SLC37A3: variants seen among roughly 807,000 people sequenced by gnomAD.
SLC37A3 encodes sugar phosphate exchanger 3.
Under a neutral mutation model 67.1 loss-of-function variants are expected in SLC37A3, and 51 were observed. The ratio of observed to expected loss-of-function variants is 0.76; its 90% CI spans 0.61 to 0.96. The LOEUF is 0.96. Among genes scored for constraint, SLC37A3 ranks in the 40% least tolerant of loss-of-function variants. SLC37A3 has a pLI of 0.00. For synonymous variants in SLC37A3, 214 were observed against 231.4 expected (o/e 0.92, Z 0.68); for missense variants, 508 against 603.0 (o/e 0.84, Z 1.65).
intron 11 of SLC37A3, among the ~76,000 whole-genome samples, chr7:140,345,555 C>A (rs1488754255): frequency 6.6e-6 from 1 of 152,182 alleles, no homozygotes; most frequent in East Asian, 1.9e-4. Flanking sequence ...CTTTTGAAAC[C>A]TGTTCCCTTT....
intron 2 of SLC37A3, 31 bp from the exon 3 acceptor site, chr7:140,380,421 A>C: frequency 6.9e-7 from 1 of 1,442,174 alleles, no homozygotes; most frequent in Non-Finnish European, 9.7e-7. Flanking sequence ...AGATGAATGA[A>C]TAGCAAAGAG....
chr7:140,347,247 C>CA (rs554765652), intron 10 of SLC37A3, among the ~76,000 whole-genome samples: 5,129 of 70,868 alleles, frequency 0.072, 196 homozygotes, highest in African/African-American at 0.17. Flanking sequence ...CCCCCATCTC[C>CA]AAAAAAAAAA....
intron 4 of SLC37A3, among the ~76,000 whole-genome samples, chr7:140,366,766 T>G (rs1171330289): frequency 6.6e-6 from 1 of 151,876 alleles, no homozygotes; most frequent in Non-Finnish European, 1.5e-5. Context: ...GGTGAGGAGG[T>G]AGACTAAATG....
At chr7:140,362,760 G>A (rs1300240824) in intron 5 of SLC37A3, among the ~76,000 whole-genome samples, 1 of 89,904 alleles carries the variant, frequency 1.1e-5, no homozygotes, top group Non-Finnish European at 2.4e-5. Flanking sequence ...CAGCCGCCCC[G>A]TCCGGGAGGG....
At chr7:140,370,139 G>T (rs1332651966) in intron 3 of SLC37A3, among the ~76,000 whole-genome samples, 4 of 113,844 alleles carry the variant, frequency 3.5e-5, no homozygotes, top group Non-Finnish European at 5.3e-5. Flanking sequence ...AGAAAAGAAA[G>T]AAATAACTAG....
chr7:140,351,606 AG>A (rs1399235280), intron 8 of SLC37A3, 155 bp from the exon 9 acceptor site: 5 of 656,322 alleles, frequency 7.6e-6, no homozygotes, highest in Non-Finnish European at 1.3e-5. Context: ...GGTCAATTAA[AG>A]TCACACAGTC....
intron 4 of SLC37A3, among the ~76,000 whole-genome samples, chr7:140,365,542 G>A (rs1797564223): frequency 6.6e-6 from 1 of 152,144 alleles, no homozygotes; most frequent in African/African-American, 2.4e-5. Flanking sequence ...CCAACATGGT[G>A]AAACCCTGTC....
intron 1 of SLC37A3, among the ~76,000 whole-genome samples, chr7:140,393,842 C>A (rs1798813625): frequency 6.6e-6 from 1 of 152,142 alleles, no homozygotes; most frequent in African/African-American, 2.4e-5. Flanking sequence ...ACAGCCACAT[C>A]CACAGGACCC....
At chr7:140,393,337 C>A (rs1798794859) in intron 1 of SLC37A3, among the ~76,000 whole-genome samples, 1 of 152,278 alleles carries the variant, frequency 6.6e-6, no homozygotes, top group South Asian at 2.1e-4. Context: ...TGAACACGTG[C>A]GCCGTCCTCA....
In SLC37A3 at chr7:140,363,763, AAAG is replaced by A. The variant is rs1454671771; in HGVS notation, c.375+642_375+644del. 4.5e-3 allele frequency among the ~76,000 whole-genome samples: 460 copies of A among 103,042 alleles called. 19 individuals carry two copies. The East Asian group carries it at 0.076, about 17-fold the overall frequency. 67.6% of individuals were successfully genotyped at this position (103,042 alleles called of 152,430 possible). On this transcript the variant is annotated intron_variant, in intron 5 of 14. Coordinates refer to ENST00000326232, the MANE Select transcript of SLC37A3 (RefSeq NM_207113.3). ...CTCAAAAAAAAAAAAAAAAAAAAAA[AAAG>A]AAAGGAGCGGGATGTTAGCGGCCTG...
intron 2 of SLC37A3, among the ~76,000 whole-genome samples, chr7:140,381,906 C>T (rs1398325598): frequency 2.7e-5 from 4 of 150,628 alleles, no homozygotes; most frequent in Admixed American, 6.7e-5. Flanking sequence ...CCCAGCTACT[C>T]GGGAGGCTGA....
At chr7:140,386,863 C>G (rs1027174730) in intron 1 of SLC37A3, 2 of 152,128 alleles carry the variant, frequency 1.3e-5, no homozygotes, top group African/African-American at 4.8e-5. Context: ...CAAAGTCAGA[C>G]AAGGCAGGCC....
chr7:140,350,985 T>G (rs1205284888), intron 9 of SLC37A3, among the ~76,000 whole-genome samples: 6 of 152,186 alleles, frequency 3.9e-5, no homozygotes, highest in Non-Finnish European at 8.8e-5. Context: ...GTCCCATGTT[T>G]TCTGTGGCTT....
intron 7 of SLC37A3, among the ~76,000 whole-genome samples, chr7:140,354,603 A>G (rs888592994): frequency 6.6e-6 from 1 of 152,126 alleles, no homozygotes; most frequent in African/African-American, 2.4e-5. Context: ...AATATTTTAC[A>G]TATGTTTACA....
In SLC37A3 at chr7:140,382,613, C is replaced by T. The variant is rs984963896; in HGVS notation, c.-70-17G>A. On this transcript the variant is annotated splice_polypyrimidine_tract_variant and intron_variant, in intron 1 of 14. Coordinates refer to ENST00000326232, the MANE Select transcript of SLC37A3 (RefSeq NM_207113.3). Reference sequence around the variant, plus strand: ...TTCTTCCTTCTGGAAAGACAAAACACATTATGGACATTATTAAACATAGGC... The same window carrying T: ...TTCTTCCTTCTGGAAAGACAAAACATATTATGGACATTATTAAACATAGGC... The T allele has an allele frequency of 8.3e-6, 9 of 1,078,962 alleles. No individual in the cohort carries two copies. The highest frequency in any genetic ancestry group is 1.3e-5 in the Non-Finnish European group (9 of 717,198). The allele number at this position is 1,078,962 out of a possible 1,614,324, so 66.8% of individuals were successfully genotyped here.
intron 12 of SLC37A3, 31 bp downstream of exon 12, chr7:140,345,185 A>G (rs1392541456): frequency 6.3e-7 from 1 of 1,597,358 alleles, no homozygotes; most frequent in South Asian, 1.1e-5. Flanking sequence ...AGAGCAACAG[A>G]AGCATGGTGG....
At position 140,361,756 on chromosome 7, in the gene SLC37A3, C is replaced by T. The variant is rs1254388744; in HGVS notation, c.375+2652G>A. Among the ~76,000 whole-genome samples the T allele has an allele frequency of 3.3e-3, 465 of 139,038 alleles. 6 individuals are homozygous for T. The highest frequency in any genetic ancestry group is 0.033 in the South Asian group (137 of 4,166). The allele number at this position is 139,038 out of a possible 152,430, so 91.2% of individuals were successfully genotyped here. A position where few individuals can be genotyped will look rare whatever the true frequency, so the allele number is the denominator to read the frequency against. ...TGGTGGAGACGGGGTTTTGCTGTGT[C>T]GGCCGGGCTGGTCTCCAGCTCCTAA... is the stretch of plus-strand genomic sequence containing the variant. On this transcript the variant is annotated intron_variant, in intron 5 of 14. Coordinates refer to ENST00000326232, the MANE Select transcript of SLC37A3 (RefSeq NM_207113.3).
intron 1 of SLC37A3, among the ~76,000 whole-genome samples, chr7:140,396,334 T>A (rs1445706472): frequency 6.6e-6 from 1 of 152,168 alleles, no homozygotes; most frequent in Non-Finnish European, 1.5e-5. Context: ...ACAAGTATCT[T>A]TTTTATCCCA....
intron 2 of SLC37A3, among the ~76,000 whole-genome samples, chr7:140,381,197 C>T (rs1280412649): frequency 7.5e-5 from 10 of 133,850 alleles, no homozygotes; most frequent in African/African-American, 2.8e-4. Flanking sequence ...CGTGCCTGGC[C>T]AAGAATTCTT....
Sources: allele counts gnomAD v4.1 joint callset (sites outside exome capture counted in the v4.1 genomes callset), GRCh38; gene constraint gnomAD v4.1.1; transcripts MANE v1.5; gene names NCBI Gene and HGNC (gene_info 2026-07-23, HGNC 2026-07-21).